Variants in ANHX observed in about 807,000 individuals in gnomAD.
ANHX encodes anomalous homeobox.
ANHX carries 20 observed loss-of-function variants against 38.9 expected under a neutral mutation model. The ratio of observed to expected loss-of-function variants is 0.51; its 90% confidence interval spans 0.36 to 0.75. The LOEUF is 0.75. ANHX is among the 30% of genes least tolerant of loss of function. The probability of loss-of-function intolerance (pLI) is 0.00; values close to 1 mark genes in which losing one functional copy is unlikely to be tolerated. For synonymous variants in ANHX, 185 were observed against 203.1 expected, an observed-to-expected ratio of 0.91 and a Z score of 0.76; for missense variants, 475 against 493.1, an observed-to-expected ratio of 0.96 and a Z score of 0.35.
intron 2 of ANHX, among the ~76,000 whole-genome samples, chr12:133,232,368 T>A (rs945729560): frequency 6.6e-6 from 1 of 152,238 alleles, no homozygotes; most frequent in Non-Finnish European, 1.5e-5. Flanking sequence ...GGCCTTTAAC[T>A]ACGATGCTGC....
chr12:133,226,651 A>C (rs1459979130), intron 5 of ANHX, among the ~76,000 whole-genome samples: 2 of 152,146 alleles, frequency 1.3e-5, no homozygotes, highest in Non-Finnish European at 2.9e-5. Context: ...CACTTCTCAA[A>C]TTGACTCACC....
intron 3 of ANHX, among the ~76,000 whole-genome samples, chr12:133,228,152 A>G (rs975767137): frequency 1.3e-5 from 2 of 152,072 alleles, no homozygotes; most frequent in African/African-American, 4.8e-5. Context: ...CAGAACATCT[A>G]CAGGCCACTG....
intron 7 of ANHX, among the ~76,000 whole-genome samples, chr12:133,224,657 C>A (rs1263411007): frequency 4.7e-5 from 4 of 85,042 alleles, no homozygotes; most frequent in Non-Finnish European, 8.8e-5. Flanking sequence ...ACCAAGACTC[C>A]ATCTCAAAAA....
At chr12:133,224,662 CA>C (rs371166940) in intron 7 of ANHX, among the ~76,000 whole-genome samples, 97 of 76,424 alleles carry the variant, frequency 1.3e-3, no homozygotes, top group Middle Eastern at 0.01. Flanking sequence ...GACTCCATCT[CA>C]AAAAAAAAAA....
rs541483047 is a variant in ANHX, at chr12:133,223,184, C to T, written c.1133-1832G>A. ...AGCCTGGGCAACAAGATCAAAACTC[C>T]GCCTCAAAAAAAAATATATATATAT... On this transcript the variant is annotated intron_variant, in intron 7 of 9. Transcript: ENST00000545940. Among the ~76,000 whole-genome samples, 97 of 143,104 alleles carry T rather than the reference C, an allele frequency of 6.8e-4. 1 individual carries two copies. The highest frequency in any genetic ancestry group is 1.9e-4 in the East Asian group (1 of 5,154). The allele number at this position is 143,104 out of a possible 152,430, so 93.9% of individuals were successfully genotyped here.
At chr12:133,228,809 CTG>C (rs1343288567) in intron 3 of ANHX, among the ~76,000 whole-genome samples, 1 of 152,218 alleles carries the variant, frequency 6.6e-6, no homozygotes, top group Non-Finnish European at 1.5e-5. Context: ...CTGCTAAGCT[CTG>C]TAAATTTCTC....
Position 133,221,379 on chromosome 12 carries a change from A to C in ANHX, c.1133-27T>G. The C allele has an allele frequency of 6.6e-7, 1 of 1,525,390 alleles. No individual in the cohort carries two copies. Among genetic ancestry groups the C allele is most frequent in the Non-Finnish European group, 8.8e-7 (1 of 1,140,992 alleles). 94.5% of individuals were successfully genotyped at this position (1,525,390 alleles called of 1,614,324 possible). On this transcript the variant is annotated intron_variant, in intron 7 of 9. Coordinates refer to ENST00000545940, the MANE Select transcript of ANHX (RefSeq NM_001372060.1). The surrounding 1 kb of genome is among the most constrained non-coding windows in gnomAD (Gnocchi z 4.1). The stretch of plus-strand genomic sequence containing the variant: ...TGCATGTAATGAGATTCCACGGCAC[A>C]CTGGCAGGAGAAAGGAGCAGAGCCC...
intron 8 of ANHX, among the ~76,000 whole-genome samples, chr12:133,220,772 G>A (rs1566401246): frequency 1.3e-5 from 2 of 152,166 alleles, no homozygotes; most frequent in Non-Finnish European, 2.9e-5. Context: ...GAAGGCCCTG[G>A]TCATCTTCTG....
intron 3 of ANHX, 122 bp downstream of exon 3, chr12:133,231,395 C>CGGACATTTCCT: frequency 7.5e-7 from 1 of 1,329,556 alleles, no homozygotes; most frequent in Non-Finnish European, 1.0e-6. Context: ...ACTGCTCCGG[C>CGGACATTTCCT]GGACATTTCC....
intron 7 of ANHX, among the ~76,000 whole-genome samples, chr12:133,222,736 C>T (rs1472302378): frequency 6.6e-6 from 1 of 152,188 alleles, no homozygotes; most frequent in African/African-American, 2.4e-5. Context: ...GGCCAGAATC[C>T]ACAGTCCCAA....
Position 133,231,558 on chromosome 12 carries a change from C to T in ANHX, c.336G>A (p.Val112=). The T allele has an allele frequency of 6.5e-7, 1 of 1,536,132 alleles. No homozygotes were observed. The stretch of plus-strand genomic sequence containing the variant: ...ACTTCTGCACCGGGGTGAGCGCAGC[C>T]ACGCCCAGCCTCCTCATGACCAGAC... ...HYRLVMRRLG[V]AALTPVQKFR... The change falls in exon 3 of 10, where the codon GTG becomes GTA. Residue 112 remains valine (V), a synonymous_variant. Transcript: ENST00000545940.
In ANHX at chr12:133,234,240, C is replaced by A. The variant is rs1280297905; in HGVS notation, c.117G>T (p.Leu39=). The change falls in exon 2 of 10, where the codon CTG becomes CTT. Residue 39 remains leucine (L), a synonymous_variant. Transcript: ENST00000545940. The part of the protein sequence containing the change: ...CRDFQDDLAQ[L]QPLVTAILDS... ...CCAGAATGGCTGTGACCAAAGGCTG[C>A]AGTTGGGCAAGGTCATCCTGGAAGT... 6.5e-7 allele frequency: 1 copy of A among 1,536,082 alleles called. No homozygotes were observed. The highest frequency in any genetic ancestry group is 1.4e-5 in the African/African-American group (1 of 73,068).
At chr12:133,234,037 G>T in intron 2 of ANHX, 71 bp downstream of exon 2, 1 of 1,493,764 alleles carries the variant, frequency 6.7e-7, no homozygotes, top group Non-Finnish European at 8.9e-7. Context: ...CTGCAGTGCC[G>T]GAGATGGGTG....
intron 3 of ANHX, among the ~76,000 whole-genome samples, chr12:133,229,764 C>T (rs150821678): frequency 2.6e-5 from 4 of 152,352 alleles, no homozygotes; most frequent in Admixed American, 6.5e-5. Flanking sequence ...CCAGCAGCTA[C>T]CATGGCTGCC....
At chr12:133,220,366 A>C (rs1593953041) in intron 8 of ANHX, among the ~76,000 whole-genome samples, 1 of 152,154 alleles carries the variant, frequency 6.6e-6, no homozygotes, top group Non-Finnish European at 1.5e-5. Context: ...ACAAGGGGAC[A>C]CCGTGGCCAT....
intron 2 of ANHX, among the ~76,000 whole-genome samples, chr12:133,232,468 C>G (rs2135576286): frequency 6.6e-6 from 1 of 152,306 alleles, no homozygotes; most frequent in African/African-American, 2.4e-5. Flanking sequence ...GCAGTGACCC[C>G]TCAGAGCCGA....
rs1957067271 is a variant in ANHX, at chr12:133,218,644, C to A, written c.*241G>T. The A allele has an allele frequency of 1.4e-5, 5 of 366,058 alleles. No individual in the cohort carries two copies. The highest frequency in any genetic ancestry group is 2.5e-5 in the Non-Finnish European group (5 of 203,690). 22.7% of individuals were successfully genotyped at this position (366,058 alleles called of 1,614,324 possible). On this transcript the variant is annotated 3_prime_UTR_variant, in exon 10 of 10. Coordinates refer to ENST00000545940, the MANE Select transcript of ANHX (RefSeq NM_001372060.1). ...CCAGTGCTGCGTGAGTGGGACAGAC[C>A]CACCTTTGACTTCTGATCTCACGAA...
chr12:133,226,294 C>G, intron 6 of ANHX, 24 bp downstream of exon 6: 1 of 1,536,220 alleles, frequency 6.5e-7, no homozygotes, highest in Non-Finnish European at 8.7e-7. Context: ...TGAGATGATT[C>G]CATGGCCATG....
At chr12:133,233,245 G>C (rs1203314831) in intron 2 of ANHX, among the ~76,000 whole-genome samples, 2 of 152,134 alleles carry the variant, frequency 1.3e-5, no homozygotes, top group African/African-American at 4.8e-5. Context: ...ACTGCTCAGG[G>C]GCACACTGTG....
Sources: allele counts gnomAD v4.1 joint callset (sites outside exome capture counted in the v4.1 genomes callset), GRCh38; gene constraint gnomAD v4.1.1; non-coding constraint Gnocchi (gnomAD v3.1); transcripts MANE v1.5; gene names NCBI Gene and HGNC (gene_info 2026-07-23, HGNC 2026-07-21).